The following TRABD2B variants were observed in gnomAD, a reference collection of about 807,000 sequenced individuals.
TRABD2B encodes the protein metalloprotease TIKI2.
Under a neutral mutation model 40.1 loss-of-function variants are expected in TRABD2B, and 14 were observed. The ratio of observed to expected loss-of-function variants is 0.35; its 90% confidence interval spans 0.23 to 0.55. The LOEUF (loss-of-function observed/expected upper bound fraction) is 0.55. Among genes scored for constraint, TRABD2B ranks in the 20% least tolerant of loss-of-function variants. The probability of loss-of-function intolerance (pLI) is 0.90; values close to 1 mark genes in which losing one functional copy is unlikely to be tolerated. For synonymous variants in TRABD2B, 263 were observed against 277.0 expected, an observed-to-expected ratio of 0.95 and a Z score of 0.50; for missense variants, 541 against 648.6, an observed-to-expected ratio of 0.83 and a Z score of 1.80.
At position 47,760,562 on chromosome 1, in the gene TRABD2B, C is replaced by T. The variant is rs1209999772; in HGVS notation, c.*5340G>A. 6.6e-6 allele frequency: 1 copy of T among 152,188 alleles called. No homozygotes were observed. Among genetic ancestry groups the T allele is most frequent in the Non-Finnish European group, 1.5e-5 (1 of 68,036 alleles). 9.4% of individuals were successfully genotyped at this position (152,188 alleles called of 1,614,324 possible). ...TAATATCTTTTATTAATATATTATG[C>T]TACAAAAATATTTTTGGCAAAATAA... is the stretch of plus-strand genomic sequence containing the variant. On this transcript the variant is annotated 3_prime_UTR_variant, in exon 7 of 7. Coordinates refer to ENST00000606738, the MANE Select transcript of TRABD2B (RefSeq NM_001194986.2).
chr1:47,790,151 C>G (rs1024404372), intron 4 of TRABD2B, among the ~76,000 whole-genome samples: 1 of 152,188 alleles, frequency 6.6e-6, no homozygotes, highest in African/African-American at 2.4e-5. Context: ...ACAAGGAATT[C>G]ACCACCTTGT....
At chr1:47,862,222 A>T (rs1442134545) in intron 2 of TRABD2B, among the ~76,000 whole-genome samples, 1 of 152,220 alleles carries the variant, frequency 6.6e-6, no homozygotes, top group Non-Finnish European at 1.5e-5. Context: ...CCTTTTCAAC[A>T]CCGTACTGGA....
chr1:47,801,694 C>T (rs1158113406), intron 2 of TRABD2B, 75 bp from the exon 3 acceptor site: 15 of 1,473,534 alleles, frequency 1.0e-5, no homozygotes, highest in South Asian at 1.3e-5. Context: ...GACCCTCCTC[C>T]CTCTGGACTT....
intron 2 of TRABD2B, among the ~76,000 whole-genome samples, chr1:47,908,907 A>T (rs546706177): frequency 6.6e-6 from 1 of 152,338 alleles, no homozygotes; most frequent in South Asian, 2.1e-4. Context: ...GACATAGCGG[A>T]CTTCCTTTAC....
At chr1:47,955,118 C>T (rs78144368) in intron 2 of TRABD2B, among the ~76,000 whole-genome samples, 2 of 152,202 alleles carry the variant, frequency 1.3e-5, no homozygotes, top group African/African-American at 4.8e-5. Context: ...TCCCCATCCA[C>T]ACATGTCTTC....
At chr1:47,777,364 G>C (rs1290720008) in intron 5 of TRABD2B, among the ~76,000 whole-genome samples, 1 of 152,222 alleles carries the variant, frequency 6.6e-6, no homozygotes, top group South Asian at 2.1e-4. Flanking sequence ...AGGAAGAGCA[G>C]CCTTGTCAGT....
chr1:47,990,774 T>C (rs1250303539), intron 2 of TRABD2B, among the ~76,000 whole-genome samples: 1 of 3,136 alleles, frequency 3.2e-4, no homozygotes, highest in Non-Finnish European at 7.0e-4. Flanking sequence ...GTTGGTTTTA[T>C]ATATATATAT....
chr1:47,920,119 C>T (rs549228799), intron 2 of TRABD2B, among the ~76,000 whole-genome samples: 11 of 152,278 alleles, frequency 7.2e-5, no homozygotes, highest in African/African-American at 2.4e-4. Context: ...CATTATGGCA[C>T]CTGTATCATA....
chr1:47,823,360 TGG>T (rs1181296723), intron 2 of TRABD2B, among the ~76,000 whole-genome samples: 3 of 152,252 alleles, frequency 2.0e-5, no homozygotes, highest in African/African-American at 7.2e-5. Context: ...GGTCACTGAC[TGG>T]GGCTGGAGGC....
chr1:47,878,581 A>G (rs1644257247), intron 2 of TRABD2B, among the ~76,000 whole-genome samples: 1 of 152,192 alleles, frequency 6.6e-6, no homozygotes, highest in Non-Finnish European at 1.5e-5. Context: ...AGGCACAATC[A>G]AGCAATAGCA....
chr1:47,935,794 T>C (rs1645099142), intron 2 of TRABD2B, among the ~76,000 whole-genome samples: 1 of 152,260 alleles, frequency 6.6e-6, no homozygotes, highest in Non-Finnish European at 1.5e-5. Context: ...GTATCTCTTA[T>C]ATGATATTTC....
Position 47,872,817 on chromosome 1 carries a change from T to G in TRABD2B, c.667-71198A>C, listed in dbSNP as rs566012451. Among the ~76,000 whole-genome samples the G allele has an allele frequency of 3.8e-3, 577 of 152,262 alleles. 3 individuals are homozygous for G. Among genetic ancestry groups the G allele is most frequent in the African/African-American group, 0.013 (555 of 41,542 alleles). ...TGGGGGGAAGGCTGGGAGTTTGACC[T>G]GGGCATGGCTGCTACCTGTGGGGCC... On this transcript the variant is annotated intron_variant, in intron 2 of 6. Coordinates refer to ENST00000606738, the MANE Select transcript of TRABD2B (RefSeq NM_001194986.2).
At chr1:47,862,943 A>G (rs1570150099) in intron 2 of TRABD2B, among the ~76,000 whole-genome samples, 2 of 152,200 alleles carry the variant, frequency 1.3e-5, no homozygotes, top group East Asian at 3.9e-4. Flanking sequence ...AATGTAGTCA[A>G]CTAATCTTTG....
At chr1:47,976,169 G>A (rs1645753010) in intron 2 of TRABD2B, among the ~76,000 whole-genome samples, 2 of 152,146 alleles carry the variant, frequency 1.3e-5, no homozygotes, top group Admixed American at 1.3e-4. Context: ...TGCTCTAAAA[G>A]GTCTTGCACT....
chr1:47,838,404 A>G (rs1318239477), intron 2 of TRABD2B, among the ~76,000 whole-genome samples: 2 of 152,210 alleles, frequency 1.3e-5, no homozygotes, highest in Non-Finnish European at 2.9e-5. Flanking sequence ...GAGGAGGGTC[A>G]GCAGGGTCTG....
At chr1:47,970,943 G>C (rs1271791671) in intron 2 of TRABD2B, among the ~76,000 whole-genome samples, 6 of 152,212 alleles carry the variant, frequency 3.9e-5, no homozygotes, top group African/African-American at 1.4e-4. Context: ...CAAGAAGCAA[G>C]AAGTACACTT....
At chr1:47,852,743 G>T (rs1441138647) in intron 2 of TRABD2B, among the ~76,000 whole-genome samples, 1 of 152,196 alleles carries the variant, frequency 6.6e-6, no homozygotes, top group Non-Finnish European at 1.5e-5. Context: ...GAAGAAATGG[G>T]GTGGGTGGTG....
intron 2 of TRABD2B, among the ~76,000 whole-genome samples, chr1:47,981,343 A>T (rs1259111808): frequency 6.6e-6 from 1 of 152,192 alleles, no homozygotes; most frequent in East Asian, 1.9e-4. Flanking sequence ...GATGCAGATA[A>T]GTCAAGAGAA....
chr1:47,880,121 C>A (rs889528685), intron 2 of TRABD2B, among the ~76,000 whole-genome samples: 1 of 152,094 alleles, frequency 6.6e-6, no homozygotes, highest in Non-Finnish European at 1.5e-5. Context: ...ACCAGCCTGG[C>A]CAATGTGGTG....
Sources: gnomAD v4.1 joint callset for allele counts (sites outside exome capture counted in the v4.1 genomes callset) on GRCh38, gnomAD v4.1.1 for gene constraint, MANE v1.5 for transcripts, NCBI Gene and HGNC (gene_info 2026-07-23, HGNC 2026-07-21) for gene names.